Variants in RTL4 observed in about 807,000 individuals in gnomAD.
RTL4 encodes retrotransposon Gag-like protein 4.
RTL4 carries 4 observed loss-of-function variants against 5.3 expected under a neutral mutation model. The ratio of observed to expected loss-of-function variants is 0.75; its 90% CI spans 0.37 to 1.72. The LOEUF (loss-of-function observed/expected upper bound fraction) is 1.72. RTL4 is among the 40% of genes most tolerant of loss of function. The pLI is 0.04. For synonymous variants in RTL4, 98 were observed against 87.3 expected, an observed-to-expected ratio of 1.12 and a Z score of -0.68; for missense variants, 260 against 227.1, an observed-to-expected ratio of 1.14 and a Z score of -0.93.
the RTL4 span, among the ~76,000 whole-genome samples, chrX:112,094,520 A>T: frequency 9.0e-6 from 1 of 110,878 alleles, no homozygotes; most frequent in African/African-American, 3.3e-5. Context: ...CACCATATAG[A>T]TAGTAAAGCC....
the RTL4 span, among the ~76,000 whole-genome samples, chrX:112,435,736 T>C: frequency 8.9e-6 from 1 of 112,252 alleles, no homozygotes; most frequent in Non-Finnish European, 1.9e-5. Flanking sequence ...TTGAGAACTA[T>C]TGACAAAGCA....
At chrX:112,162,951 T>C in the RTL4 span, among the ~76,000 whole-genome samples, 1 of 112,063 alleles carries the variant, frequency 8.9e-6, no homozygotes, top group Non-Finnish European at 1.9e-5. Flanking sequence ...GCCTCAATGT[T>C]GACGCCTGCT....
At position 112,454,599 on chromosome X, in the gene RTL4, T is replaced by A. The variant is rs145820685; in HGVS notation, c.-130T>A. ...CTGTTAGCATCTCCTAGTGTCTTCTTCACAGCTAACAGCTTTGGCTACTTG... is the reference window on the plus strand; with the variant it reads ...CTGTTAGCATCTCCTAGTGTCTTCTACACAGCTAACAGCTTTGGCTACTTG... On this transcript the variant is annotated 5_prime_UTR_variant, in exon 1 of 1. Transcript: ENST00000340433. 1.2e-4 allele frequency: 75 copies of A among 610,490 alleles called. No individual in the cohort carries two copies. The East Asian group carries it at 1.6e-3, about 13-fold the overall frequency. 50.3% of individuals were successfully genotyped at this position (610,490 alleles called of 1,213,427 possible).
chrX:112,429,718 C>A, the RTL4 span, among the ~76,000 whole-genome samples: 139 of 111,441 alleles, frequency 1.2e-3, 1 homozygote, highest in African/African-American at 4.0e-3. Context: ...GCATTTGTTG[C>A]AAGGCATGTC....
At chrX:112,112,780 G>A in the RTL4 span, among the ~76,000 whole-genome samples, 2 of 111,711 alleles carry the variant, frequency 1.8e-5, no homozygotes, top group Non-Finnish European at 3.8e-5. Flanking sequence ...CTAAACCCTT[G>A]GGGCAAGACC....
the RTL4 span, among the ~76,000 whole-genome samples, chrX:112,301,758 T>C: frequency 9.3e-6 from 1 of 107,177 alleles, no homozygotes; most frequent in Non-Finnish European, 1.9e-5. Context: ...AGTCCAGAAG[T>C]TCGAGACCAG....
chrX:112,176,765 T>A, the RTL4 span, among the ~76,000 whole-genome samples: 4,779 of 111,271 alleles, frequency 0.043, 96 homozygotes, highest in African/African-American at 0.078. Flanking sequence ...TGAATACTAA[T>A]ATGTATTACT....
chrX:112,400,550 AATATAT>A, the RTL4 span, among the ~76,000 whole-genome samples: 1 of 111,202 alleles, frequency 9.0e-6, no homozygotes, highest in East Asian at 2.8e-4. Context: ...TTCTTCTCTT[AATATAT>A]ATATTTACCT....
At chrX:112,157,740 A>G in the RTL4 span, among the ~76,000 whole-genome samples, 10 of 112,095 alleles carry the variant, frequency 8.9e-5, no homozygotes, top group African/African-American at 2.6e-4. Context: ...CTCAACACTC[A>G]CATCTTCCTT....
chrX:112,349,900 G>A, the RTL4 span, among the ~76,000 whole-genome samples: 1 of 110,011 alleles, frequency 9.1e-6, no homozygotes, highest in Admixed American at 9.7e-5. Context: ...CCAACACTAT[G>A]TTAAATAGGA....
At chrX:112,110,139 C>T in the RTL4 span, among the ~76,000 whole-genome samples, 16 of 111,894 alleles carry the variant, frequency 1.4e-4, no homozygotes, top group South Asian at 4.5e-3. Flanking sequence ...TGTCTGATTT[C>T]GGAATCCTTT....
chrX:112,392,687 G>A, the RTL4 span, among the ~76,000 whole-genome samples: 1 of 111,906 alleles, frequency 8.9e-6, no homozygotes, highest in African/African-American at 3.3e-5. Context: ...TGCCCAAACA[G>A]CAAAGATGGT....
chrX:112,301,980 G>T, the RTL4 span, among the ~76,000 whole-genome samples: 1 of 108,251 alleles, frequency 9.2e-6, no homozygotes, highest in East Asian at 2.9e-4. Context: ...AAAAAAAAAG[G>T]TCAGGGGCCG....
chrX:112,175,659 G>A, the RTL4 span, among the ~76,000 whole-genome samples: 2 of 111,221 alleles, frequency 1.8e-5, no homozygotes, highest in East Asian at 5.6e-4. Flanking sequence ...TGCAGAAAAG[G>A]CCTTTGACAA....
the RTL4 span, among the ~76,000 whole-genome samples, chrX:112,175,746 A>G: frequency 1.8e-5 from 2 of 111,072 alleles, no homozygotes; most frequent in African/African-American, 6.5e-5. Flanking sequence ...AATAAGAGCT[A>G]TCTATCACAA....
chrX:112,130,593 T>C, the RTL4 span, among the ~76,000 whole-genome samples: 1 of 111,181 alleles, frequency 9.0e-6, no homozygotes, highest in Admixed American at 9.6e-5. Flanking sequence ...AGTAAAATGA[T>C]TTAGAAATAC....
At chrX:112,333,129 C>G in the RTL4 span, among the ~76,000 whole-genome samples, 2 of 108,961 alleles carry the variant, frequency 1.8e-5, no homozygotes, top group African/African-American at 6.7e-5. Context: ...ATGGTGTGTG[C>G]ATGTGTGTAT....
At chrX:112,437,802 A>G in the RTL4 span, among the ~76,000 whole-genome samples, 9 of 77,006 alleles carry the variant, frequency 1.2e-4, no homozygotes, top group Admixed American at 1.2e-3. Flanking sequence ...GGTGGTGGTG[A>G]TGGTGGTGGT....
the RTL4 span, among the ~76,000 whole-genome samples, chrX:112,196,255 A>AT: frequency 1.4e-4 from 15 of 109,893 alleles, no homozygotes; most frequent in African/African-American, 3.3e-4. Context: ...AACCATTGGG[A>AT]TTTTTTTTTC....
Sources: allele counts gnomAD v4.1 joint callset (sites outside exome capture counted in the v4.1 genomes callset), GRCh38; gene constraint gnomAD v4.1.1; transcripts MANE v1.5; gene names NCBI Gene and HGNC (gene_info 2026-07-23, HGNC 2026-07-21).